The following LRRC18 variants were observed in gnomAD, a reference collection of about 807,000 sequenced individuals.
LRRC18 encodes the protein leucine-rich repeat-containing protein 18.
A neutral mutation model predicts 11.2 loss-of-function variants in LRRC18; 12 were observed. The observed-to-expected ratio is 1.07, with a 90% CI of 0.69 to 1.74. LRRC18 has a LOEUF of 1.74. Ranked by LOEUF, LRRC18 falls within the 40% of genes most tolerant of loss-of-function variation. LRRC18 has a pLI of 0.00. For missense variants in LRRC18, 374 were observed against 330.5 expected, an observed-to-expected ratio of 1.13 and a Z score of -1.02; for synonymous variants, 155 against 130.6, an observed-to-expected ratio of 1.19 and a Z score of -1.27.
upstream of LRRC18, among the ~76,000 whole-genome samples, chr10:48,918,041 T>G (rs11101564): frequency 1.2e-3 from 190 of 152,342 alleles, 4 homozygotes; most frequent in East Asian, 0.033. Flanking sequence ...CAGTAAAGTA[T>G]GTGTATTTTA....
intron 1 of LRRC18, among the ~76,000 whole-genome samples, chr10:48,911,331 GT>G (rs1837983776): frequency 6.6e-6 from 1 of 152,204 alleles, no homozygotes; most frequent in Admixed American, 6.5e-5. Flanking sequence ...ACTGGTAGGC[GT>G]ATGTGTGTAA....
the LRRC18 span, among the ~76,000 whole-genome samples, chr10:48,919,324 A>G: frequency 6.6e-6 from 1 of 152,374 alleles, no homozygotes; most frequent in East Asian, 1.9e-4. Context: ...ACTAAAAACT[A>G]CTAAATATTT....
the LRRC18 span, among the ~76,000 whole-genome samples, chr10:48,919,294 G>C: frequency 6.6e-6 from 1 of 152,044 alleles, no homozygotes; most frequent in Non-Finnish European, 1.5e-5. Context: ...CTAAAAAAAA[G>C]AGGAACTTAG....
chr10:48,934,828 C>T, the LRRC18 span, among the ~76,000 whole-genome samples: 1 of 152,162 alleles, frequency 6.6e-6, no homozygotes, highest in Non-Finnish European at 1.5e-5. Context: ...GCAGCAAAAA[C>T]ACTCACAGAG....
At chr10:48,911,009 A>T (rs1913517) in intron 1 of LRRC18, 1 of 584,288 alleles carries the variant, frequency 1.7e-6, no homozygotes, top group Non-Finnish European at 2.2e-6. Context: ...ATGGAAAGTC[A>T]TCATGTAGCT....
upstream of LRRC18, among the ~76,000 whole-genome samples, chr10:48,916,125 T>A (rs1186182615): frequency 6.6e-6 from 1 of 152,126 alleles, no homozygotes; most frequent in Non-Finnish European, 1.5e-5. Context: ...TCAGGCAGAT[T>A]GGAGAAGAAA....
the LRRC18 span, among the ~76,000 whole-genome samples, chr10:48,938,513 C>T: frequency 6.6e-6 from 1 of 152,226 alleles, no homozygotes. Flanking sequence ...TGGAACATGC[C>T]TCTGGCTCCT....
upstream of LRRC18, among the ~76,000 whole-genome samples, chr10:48,914,601 C>T (rs937339459): frequency 5.3e-5 from 8 of 152,132 alleles, no homozygotes; most frequent in South Asian, 4.1e-4. Context: ...CTGCATTAAG[C>T]TAGGATTTCC....
the LRRC18 span, among the ~76,000 whole-genome samples, chr10:48,939,828 T>C: frequency 6.6e-6 from 1 of 152,216 alleles, no homozygotes; most frequent in African/African-American, 2.4e-5. Flanking sequence ...TTGAAGCTGA[T>C]AGCCAATGAA....
the LRRC18 span, among the ~76,000 whole-genome samples, chr10:48,934,721 T>C: frequency 6.6e-6 from 1 of 152,328 alleles, no homozygotes; most frequent in East Asian, 1.9e-4. Flanking sequence ...GGCTGGACCC[T>C]CCTGAACGAA....
intron 1 of LRRC18, 149 bp downstream of exon 3, chr10:48,913,243 C>T (rs190862667): frequency 1.3e-6 from 1 of 746,044 alleles, no homozygotes; most frequent in African/African-American, 1.7e-5. Flanking sequence ...CAATCACACG[C>T]CGAGAAAGTA....
At chr10:48,929,077 G>C in the LRRC18 span, among the ~76,000 whole-genome samples, 1 of 152,202 alleles carries the variant, frequency 6.6e-6, no homozygotes, top group African/African-American at 2.4e-5. Flanking sequence ...TTTTTAGAAA[G>C]GGGGAGGCCA....
At chr10:48,911,318 G>A (rs1228249502) in intron 1 of LRRC18, among the ~76,000 whole-genome samples, 6 of 152,318 alleles carry the variant, frequency 3.9e-5, no homozygotes, top group African/African-American at 1.4e-4. Context: ...TCTCTACTAC[G>A]TTACTGGTAG....
intron 1 of LRRC18, chr10:48,910,873 T>G: frequency 1.0e-6 from 1 of 983,580 alleles, no homozygotes; most frequent in Non-Finnish European, 1.2e-6. Context: ...CAGCAAACCC[T>G]GGGCACCAGG....
At chr10:48,938,683 T>A in the LRRC18 span, among the ~76,000 whole-genome samples, 1 of 152,190 alleles carries the variant, frequency 6.6e-6, no homozygotes, top group African/African-American at 2.4e-5. Flanking sequence ...TAAGGCCACA[T>A]GGCAGTAGCG....
chr10:48,925,645 G>T, the LRRC18 span, among the ~76,000 whole-genome samples: 1 of 152,298 alleles, frequency 6.6e-6, no homozygotes, highest in East Asian at 1.9e-4. Flanking sequence ...CAGATTAGAG[G>T]TGCAGAGATG....
At chr10:48,919,468 G>C in the LRRC18 span, among the ~76,000 whole-genome samples, 327 of 152,334 alleles carry the variant, frequency 2.1e-3, 1 homozygote, top group African/African-American at 7.6e-3. Context: ...AAAGAAGACT[G>C]TCTTGGTCCA....
chr10:48,920,856 A>G, the LRRC18 span, among the ~76,000 whole-genome samples: 1 of 152,236 alleles, frequency 6.6e-6, no homozygotes, highest in Non-Finnish European at 1.5e-5. Context: ...GCATTTCCAT[A>G]TTACTAGCTA....
intron 1 of LRRC18, among the ~76,000 whole-genome samples, chr10:48,912,277 T>C (rs1827214274): frequency 6.6e-6 from 1 of 152,244 alleles, no homozygotes; most frequent in African/African-American, 2.4e-5. Context: ...GGAAGAAAAC[T>C]GGCTTCTGCT....
Sources: gnomAD v4.1 joint callset for allele counts (sites outside exome capture counted in the v4.1 genomes callset) on GRCh38, gnomAD v4.1.1 for gene constraint, MANE v1.5 for transcripts, NCBI Gene and HGNC (gene_info 2026-07-23, HGNC 2026-07-21) for gene names.